The following SKP2 variants were observed in gnomAD, a reference collection of about 807,000 sequenced individuals.
SKP2 encodes the protein S-phase kinase associated protein 2.
SKP2 carries 16 observed loss-of-function variants against 51.8 expected under a neutral mutation model. The observed-to-expected ratio is 0.31, with a 90% CI of 0.21 to 0.47. The LOEUF (loss-of-function observed/expected upper bound fraction) is 0.47, where lower values mean the gene tolerates loss of function less well. SKP2 is among the 20% of genes least tolerant of loss of function. The pLI is 1.00. For synonymous variants in SKP2, 176 were observed against 198.6 expected (o/e 0.89, Z 0.96); for missense variants, 377 against 505.3 (o/e 0.75, Z 2.43).
chr5:36,177,160 A>C (rs1745661164), intron 8 of SKP2, 25 bp from the exon 9 acceptor site: 1 of 1,488,366 alleles, frequency 6.7e-7, no homozygotes, highest in Non-Finnish European at 9.4e-7. Flanking sequence ...GATTTTCAAT[A>C]TCTTTTCTTC....
intron 2 of SKP2, among the ~76,000 whole-genome samples, chr5:36,162,678 C>T (rs911957608): frequency 3.3e-5 from 5 of 152,196 alleles, no homozygotes; most frequent in Admixed American, 3.3e-4. Flanking sequence ...TAAGAAATGA[C>T]AATACCCTTT....
chr5:36,172,673 A>G (rs1745511494), intron 7 of SKP2, among the ~76,000 whole-genome samples: 2 of 152,224 alleles, frequency 1.3e-5, no homozygotes, highest in African/African-American at 4.8e-5. Context: ...TTAAAATTTA[A>G]GTAGTATAAA....
rs764886675 is a variant in SKP2, at chr5:36,184,030, T to C, written c.*1999T>C. On this transcript the variant is annotated 3_prime_UTR_variant, in exon 10 of 10. Coordinates refer to ENST00000274255, the MANE Select transcript of SKP2 (RefSeq NM_005983.4). Reference sequence around the variant, plus strand: ...ACAATAAAACACATTTTTATAAAAATGAGTGCTTAAACTAAGTTGTATTCC... The same window carrying C: ...ACAATAAAACACATTTTTATAAAAACGAGTGCTTAAACTAAGTTGTATTCC... 1 of 1,295,306 alleles carries C rather than the reference T, an allele frequency of 7.7e-7. No homozygotes were observed. The highest frequency in any genetic ancestry group is 1.3e-5 in the South Asian group (1 of 77,902). The allele number at this position is 1,295,306 out of a possible 1,614,324, so 80.2% of individuals were successfully genotyped here.
intron 7 of SKP2, chr5:36,192,856 G>A (rs1286665686): frequency 1.3e-5 from 2 of 152,072 alleles, no homozygotes; most frequent in Non-Finnish European, 2.9e-5. Context: ...CCCCTTGAGA[G>A]GGAAATAAGA....
At chr5:36,179,106 A>G (rs1745725338) in intron 9 of SKP2, among the ~76,000 whole-genome samples, 1 of 152,188 alleles carries the variant, frequency 6.6e-6, no homozygotes, top group African/African-American at 2.4e-5. Flanking sequence ...ATAGAGAAGA[A>G]GAAAGATCCT....
At chr5:36,177,346 C>G in intron 9 of SKP2, 54 bp downstream of exon 9, 2 of 1,062,150 alleles carry the variant, frequency 1.9e-6, no homozygotes. Flanking sequence ...AACAGAGATG[C>G]CCCTTGGTGT....
At chr5:36,169,585 T>G (rs1745404431) in intron 5 of SKP2, among the ~76,000 whole-genome samples, 2 of 152,322 alleles carry the variant, frequency 1.3e-5, no homozygotes, top group South Asian at 4.1e-4. Context: ...CTAGAGTAGT[T>G]AAGGATACTG....
At chr5:36,162,770 ACATACCCAAGACTGGGTAATT>A (rs2067330) in intron 2 of SKP2, among the ~76,000 whole-genome samples, 1,535 of 152,344 alleles carry the variant, frequency 0.01, 29 homozygotes, top group African/African-American at 0.036. Context: ...GTTAATAAAG[ACATACCCAAGACTGGGTAATT>A]CATAAAGGAA....
In SKP2 at chr5:36,178,301, C is replaced by G. The variant is rs149467270; in HGVS notation, c.1061+1009C>G. On this transcript the variant is annotated intron_variant, in intron 9 of 9. Coordinates refer to ENST00000274255, the MANE Select transcript of SKP2 (RefSeq NM_005983.4). Reference sequence around the variant, plus strand: ...AAGGGTGGTGAATTTGAACAAAGAACTTTAGTCCTCAGAATCATAGTTTGA... The same window carrying G: ...AAGGGTGGTGAATTTGAACAAAGAAGTTTAGTCCTCAGAATCATAGTTTGA... Among the ~76,000 whole-genome samples, 3 of 152,268 alleles carry G rather than the reference C, an allele frequency of 2.0e-5. No homozygotes were observed. In the East Asian group the frequency reaches 5.8e-4, roughly 29 times the overall value.
At chr5:36,175,042 G>T (rs995050454) in intron 7 of SKP2, among the ~76,000 whole-genome samples, 3 of 152,066 alleles carry the variant, frequency 2.0e-5, no homozygotes, top group Non-Finnish European at 2.9e-5. Context: ...AAAGACTCAC[G>T]CTAGTGCTGT....
chr5:36,162,670 AG>A (rs1745159408), intron 2 of SKP2, among the ~76,000 whole-genome samples: 1 of 152,240 alleles, frequency 6.6e-6, no homozygotes, highest in Admixed American at 6.5e-5. Flanking sequence ...TGTTGAATTA[AG>A]AAATGACAAT....
Position 36,183,069 on chromosome 5 carries a change from C to G in SKP2, c.*1038C>G. The G allele has an allele frequency of 1.0e-6, 1 of 980,242 alleles. No homozygotes were observed. Among genetic ancestry groups the G allele is most frequent in the Non-Finnish European group, 1.2e-6 (1 of 825,340 alleles). 60.7% of individuals were successfully genotyped at this position (980,242 alleles called of 1,614,324 possible). On this transcript the variant is annotated 3_prime_UTR_variant, in exon 10 of 10. Transcript: ENST00000274255. ...ATATAAGGTTATCAGACCTACAGTT[C>G]CCTAAGAGGAACTGCATGTTCTCTT... is the stretch of plus-strand genomic sequence containing the variant.
intron 6 of SKP2, among the ~76,000 whole-genome samples, chr5:36,191,073 ATCTG>A (rs1262046412): frequency 6.6e-6 from 1 of 152,152 alleles, no homozygotes; most frequent in African/African-American, 2.4e-5. Flanking sequence ...AAACTATGTT[ATCTG>A]TCCTGTGTTC....
At chr5:36,152,520 C>G (rs1744770514) in intron 1 of SKP2, among the ~76,000 whole-genome samples, 1 of 152,178 alleles carries the variant, frequency 6.6e-6, no homozygotes, top group Admixed American at 6.5e-5. Context: ...CTGTCTCTCT[C>G]CTTGTCTGTT....
chr5:36,175,516 A>C (rs1044393305), intron 7 of SKP2, among the ~76,000 whole-genome samples: 2 of 152,122 alleles, frequency 1.3e-5, no homozygotes, highest in African/African-American at 4.8e-5. Flanking sequence ...CTGATTGCCA[A>C]GTAGCTTACA....
chr5:36,154,240 C>G (rs989477362), intron 2 of SKP2, among the ~76,000 whole-genome samples: 1 of 151,928 alleles, frequency 6.6e-6, no homozygotes, highest in African/African-American at 2.4e-5. Flanking sequence ...GACCTTTAAG[C>G]AAAGACATAA....
chr5:36,173,671 C>T lies in SKP2; in HGVS notation c.901+1938C>T, dbSNP rs150912821. On this transcript the variant is annotated intron_variant, in intron 7 of 9. Transcript: ENST00000274255. ...AAGAAAGAACAGAGAGCCTGTTTAC[C>T]GAGTTTTGGCAGAAATAGTAGGTAT... 7.8e-4 allele frequency among the ~76,000 whole-genome samples: 119 copies of T among 152,128 alleles called. 1 individual carries two copies. The highest frequency in any genetic ancestry group is 2.7e-3 in the African/African-American group (112 of 41,510).
intron 6 of SKP2, among the ~76,000 whole-genome samples, chr5:36,189,921 AG>A (rs1439028413): frequency 6.6e-6 from 1 of 152,092 alleles, no homozygotes; most frequent in Non-Finnish European, 1.5e-5. Flanking sequence ...CAGCAATGGC[AG>A]GCACCCCTCC....
chr5:36,178,525 G>C (rs1745704009), intron 9 of SKP2, among the ~76,000 whole-genome samples: 1 of 152,078 alleles, frequency 6.6e-6, no homozygotes, highest in African/African-American at 2.4e-5. Flanking sequence ...TACTTTCCCA[G>C]CTCTCAAATG....
Sources: gnomAD v4.1 joint callset for allele counts (sites outside exome capture counted in the v4.1 genomes callset) on GRCh38, gnomAD v4.1.1 for gene constraint, MANE v1.5 for transcripts, NCBI Gene and HGNC (gene_info 2026-07-23, HGNC 2026-07-21) for gene names.